MORF4L1: variants seen among roughly 807,000 people sequenced by gnomAD.
The protein encoded by MORF4L1 is mortality factor 4 like 1.
Under a neutral mutation model 52.9 loss-of-function variants are expected in MORF4L1, and 4 were observed. That is an observed-to-expected ratio of 0.08 (90% CI 0.04 to 0.17). The LOEUF (loss-of-function observed/expected upper bound fraction) is 0.17, where lower values mean the gene tolerates loss of function less well. Ranked by LOEUF, MORF4L1 falls within the 10% of genes least tolerant of loss-of-function variation. The probability of loss-of-function intolerance (pLI) is 1.00; values close to 1 mark genes in which losing one functional copy is unlikely to be tolerated. For synonymous variants in MORF4L1, 123 were observed against 134.8 expected (o/e 0.91, Z 0.61); for missense variants, 214 against 390.4 (o/e 0.55, Z 3.81).
intron 3 of MORF4L1, among the ~76,000 whole-genome samples, chr15:78,884,527 T>A (rs899312653): frequency 2.6e-5 from 4 of 151,260 alleles, no homozygotes; most frequent in African/African-American, 9.7e-5. Context: ...TAATCCCAAT[T>A]ACTCAGGAGG....
chr15:78,882,232 C>T (rs1288600272), intron 3 of MORF4L1, among the ~76,000 whole-genome samples: 8 of 152,262 alleles, frequency 5.3e-5, no homozygotes, highest in Admixed American at 2.6e-4. Context: ...AGGAGGATTA[C>T]TTGAGCCCAG....
intron 3 of MORF4L1, among the ~76,000 whole-genome samples, chr15:78,883,980 C>T (rs113265118): frequency 0.062 from 8,938 of 144,806 alleles, 268 homozygotes; most frequent in Middle Eastern, 0.17. Flanking sequence ...CCGAGGCGGG[C>T]AGATCACAAG....
intron 6 of MORF4L1, 51 bp from the exon 7 acceptor site, chr15:78,891,433 T>C (rs377666173): frequency 5.2e-6 from 7 of 1,348,832 alleles, no homozygotes; most frequent in Admixed American, 1.7e-5. Context: ...ATTTTCCTTA[T>C]AGAGTTTGTT....
chr15:78,892,254 C>G lies in MORF4L1; in HGVS notation c.481C>G (p.Pro161Ala). The change falls in exon 8 of 12, where the codon CCT (proline) becomes GCT (alanine). Residue 161 changes from proline to alanine, a missense_variant. Coordinates refer to ENST00000426013, the MANE Select transcript of MORF4L1 (RefSeq NM_006791.4). ...CAGAGTTGAAGTTAAAGTAAAGATT[C>G]CTGAAGAGCTAAAACCGTGGCTTGT... Reference protein sequence around the residue: ...MNRVEVKVKIPEELKPWLVDD... With the variant: ...MNRVEVKVKIAEELKPWLVDD... 1.9e-6 allele frequency: 3 copies of G among 1,613,432 alleles called. No homozygotes were observed. Among genetic ancestry groups the G allele is most frequent in the African/African-American group, 1.3e-5 (1 of 74,978 alleles).
intron 1 of MORF4L1, chr15:78,873,895 A>T (rs531731297): frequency 1.4e-4 from 21 of 152,358 alleles, no homozygotes; most frequent in African/African-American, 4.8e-4. Flanking sequence ...AATGATCTGA[A>T]TGCAGTGTTG....
In MORF4L1 at chr15:78,897,054, G is replaced by A. The variant is rs2056903273; in HGVS notation, c.959G>A (p.Arg320Gln). 2.5e-6 allele frequency: 4 copies of A among 1,611,544 alleles called. No homozygotes were observed. The highest frequency in any genetic ancestry group is 2.2e-5 in the South Asian group (2 of 90,988). ...GAAGTGGCTCCTCCTGAGTACCATC[G>A]GAAAGCTGTGTGAGAGGCACTCTCA... ...DYEVAPPEYH[R>Q]KAV The change falls in exon 12 of 12, where the codon CGG becomes CAG. Residue 320 changes from arginine (R) to glutamine (Q), a missense_variant. Arg to Gln is a conservative substitution (Grantham distance 43). This residue lies in a region of MORF4L1 where 30 missense variants were observed against 34.6 expected (regional missense o/e 0.87). Coordinates refer to ENST00000426013, the MANE Select transcript of MORF4L1 (RefSeq NM_006791.4).
At position 78,884,660 on chromosome 15, in the gene MORF4L1, TACACACACACAC is replaced by T. The variant is rs67970418; in HGVS notation, c.156-1465_156-1454del. 0.027 allele frequency among the ~76,000 whole-genome samples: 3,507 copies of T among 130,672 alleles called. 469 individuals carry two copies. The East Asian group carries it at 0.36, about 14-fold the overall frequency. The allele number at this position is 130,672 out of a possible 152,430, so 85.7% of individuals were successfully genotyped here. A position where few individuals can be genotyped will look rare whatever the true frequency, so the allele number is the denominator to read the frequency against. On this transcript the variant is annotated intron_variant, in intron 3 of 11. Coordinates refer to ENST00000426013, the MANE Select transcript of MORF4L1 (RefSeq NM_006791.4). ...GTCTCAAAAAAAAAAAAAAAAAAAATACACACACACACACACACACACACACAAATATCTCAA... is the reference window on the plus strand; with the variant it reads ...GTCTCAAAAAAAAAAAAAAAAAAAATACACACACACACACAAATATCTCAA...
At position 78,876,026 on chromosome 15, in the gene MORF4L1, C is replaced by G. The variant is rs914816810; in HGVS notation, c.41-2187C>G. On this transcript the variant is annotated intron_variant, in intron 1 of 11. Transcript: ENST00000426013. ...GATCTCGGGTCACTGCAGCCTCCGC[C>G]TCCTGGGTTCAAGCGATTCACCTGC... is the stretch of plus-strand genomic sequence containing the variant. Among the ~76,000 whole-genome samples the G allele has an allele frequency of 2.0e-5, 3 of 151,912 alleles. No individual in the cohort carries two copies. The South Asian group carries it at 6.3e-4, about 32-fold the overall frequency.
intron 10 of MORF4L1, 122 bp from the exon 11 acceptor site, chr15:78,894,698 A>G (rs983732691): frequency 1.4e-5 from 11 of 780,280 alleles, no homozygotes; most frequent in Non-Finnish European, 1.7e-5. Context: ...GTGAGCCACT[A>G]TGCCCGGCCT....
At chr15:78,884,053 AAT>A (rs758384132) in intron 3 of MORF4L1, among the ~76,000 whole-genome samples, 1 of 150,640 alleles carries the variant, frequency 6.6e-6, no homozygotes, top group African/African-American at 2.4e-5. Context: ...AAAATACAAA[AAT>A]TAGCCAGGTG....
intron 5 of MORF4L1, among the ~76,000 whole-genome samples, chr15:78,889,709 T>C (rs912061882): frequency 3.9e-5 from 6 of 152,346 alleles, no homozygotes; most frequent in South Asian, 2.1e-4. Flanking sequence ...AGAAAACCTA[T>C]ACACAGATTT....
chr15:78,877,847 GA>G (rs1470452059), intron 1 of MORF4L1: 1 of 168,786 alleles, frequency 5.9e-6, no homozygotes, highest in Non-Finnish European at 1.3e-5. Flanking sequence ...CCTCAACTTA[GA>G]AAAACAGATG....
chr15:78,887,481 T>G, intron 5 of MORF4L1, 132 bp downstream of exon 5: 1 of 707,940 alleles, frequency 1.4e-6, no homozygotes, highest in Non-Finnish European at 2.3e-6. Context: ...ATTCCTCAGG[T>G]ATCAGGTCGT....
At chr15:78,891,433 T>G (rs377666173) in intron 6 of MORF4L1, 51 bp from the exon 7 acceptor site, 12 of 1,348,714 alleles carry the variant, frequency 8.9e-6, no homozygotes, top group African/African-American at 1.4e-5. Context: ...ATTTTCCTTA[T>G]AGAGTTTGTT....
intron 5 of MORF4L1, among the ~76,000 whole-genome samples, chr15:78,890,383 C>A (rs2056779142): frequency 6.9e-6 from 1 of 145,898 alleles, no homozygotes; most frequent in Non-Finnish European, 1.5e-5. Flanking sequence ...CCTTTGACAC[C>A]TTTTTTTTTT....
intron 10 of MORF4L1, 50 bp from the exon 11 acceptor site, chr15:78,894,770 A>T: frequency 7.5e-7 from 1 of 1,327,160 alleles, no homozygotes; most frequent in South Asian, 1.2e-5. Flanking sequence ...ACATGGTTGT[A>T]GTGCCCCTGC....
chr15:78,875,049 T>G (rs2056459630), intron 1 of MORF4L1, among the ~76,000 whole-genome samples: 1 of 152,198 alleles, frequency 6.6e-6, no homozygotes, highest in Admixed American at 6.5e-5. Context: ...ATTAGGGTAG[T>G]TATTGTATTA....
chr15:78,897,373 A>G lies in MORF4L1; in HGVS notation c.*306A>G, dbSNP rs2056909307. 4.0e-6 allele frequency: 1 copy of G among 250,954 alleles called. No individual in the cohort carries two copies. The highest frequency in any genetic ancestry group is 5.5e-5 in the South Asian group (1 of 18,256). 15.5% of individuals were successfully genotyped at this position (250,954 alleles called of 1,614,324 possible). A position where few individuals can be genotyped will look rare whatever the true frequency, so the allele number is the denominator to read the frequency against. ...GAATGCTGGTGGTTCTATTCCTTTG[A>G]CACTACGCACTTTTATAATACATGT... On this transcript the variant is annotated 3_prime_UTR_variant, in exon 12 of 12. Coordinates refer to ENST00000426013, the MANE Select transcript of MORF4L1 (RefSeq NM_006791.4).
chr15:78,884,605 C>T (rs2056662009), intron 3 of MORF4L1, among the ~76,000 whole-genome samples: 1 of 147,654 alleles, frequency 6.8e-6, no homozygotes, highest in African/African-American at 2.5e-5. Context: ...CGCCATTGCA[C>T]TCCAGCCAGG....
Sources: allele counts gnomAD v4.1 joint callset (sites outside exome capture counted in the v4.1 genomes callset), GRCh38; gene constraint gnomAD v4.1.1; regional missense constraint gnomAD v4.1.1; transcripts MANE v1.5; gene names NCBI Gene and HGNC (gene_info 2026-07-23, HGNC 2026-07-21).